C8orf74: variants seen among roughly 807,000 people sequenced by gnomAD.
C8orf74 encodes the protein chromosome 8 open reading frame 74, also known as uncharacterized protein C8orf74.
C8orf74 carries 29 observed loss-of-function variants against 22.2 expected under a neutral mutation model. The observed-to-expected ratio is 1.31, with a 90% CI of 0.97 to 1.78. The LOEUF is 1.78. Among genes scored for constraint, C8orf74 ranks in the 40% most tolerant of loss-of-function variants. The pLI is 0.00. For synonymous variants in C8orf74, 255 were observed against 163.1 expected (o/e 1.56, Z -4.30); for missense variants, 515 against 369.9 (o/e 1.39, Z -3.22).
At chr8:10,673,577 A>G (rs10216539) in intron 1 of C8orf74, 34,142 of 153,520 alleles carry the variant, frequency 0.22, 5,851 homozygotes, top group African/African-American at 0.47. Context: ...GTCAAATTTT[A>G]TTTTAGGCAG....
chr8:10,678,759 G>T (rs1010002996), intron 2 of C8orf74, among the ~76,000 whole-genome samples: 18 of 152,172 alleles, frequency 1.2e-4, no homozygotes, highest in Non-Finnish European at 2.5e-4. Context: ...AGAGTAGGCA[G>T]CGGAGTGCAG....
chr8:10,687,872 A>G (rs1799294091), intron 2 of C8orf74, among the ~76,000 whole-genome samples: 1 of 152,172 alleles, frequency 6.6e-6, no homozygotes, highest in East Asian at 1.9e-4. Context: ...AAGTGTGCCC[A>G]TTTAACAGCA....
chr8:10,683,384 A>G (rs7823838), intron 2 of C8orf74, among the ~76,000 whole-genome samples: 151,945 of 152,336 alleles, frequency 1, 75,790 homozygotes, highest in Middle Eastern at 1. Context: ...CCCTTCCCAC[A>G]TCTGATTTCT....
In C8orf74 at chr8:10,700,506, C is replaced by A; in HGVS notation, c.*35C>A. ...ACTGCCACACGAGACTGACTGGGGA[C>A]CAGCCACCCATAACCATGAGCCTTG... On this transcript the variant is annotated 3_prime_UTR_variant, in exon 4 of 4. Coordinates refer to ENST00000304519, the MANE Select transcript of C8orf74 (RefSeq NM_001040032.2). 2 of 1,365,458 alleles carry A rather than the reference C, an allele frequency of 1.5e-6. No individual in the cohort carries two copies. The highest frequency in any genetic ancestry group is 1.4e-5 in the South Asian group (1 of 70,982). 84.6% of individuals were successfully genotyped at this position (1,365,458 alleles called of 1,614,324 possible). A position where few individuals can be genotyped will look rare whatever the true frequency, so the allele number is the denominator to read the frequency against.
intron 2 of C8orf74, 30 bp from the exon 3 acceptor site, chr8:10,697,569 C>T (rs779898887): frequency 1.3e-6 from 2 of 1,597,454 alleles, no homozygotes; most frequent in Admixed American, 3.4e-5. Context: ...TGTCCCACTC[C>T]CACTCTGTTC....
chr8:10,672,756 A>G, intron 1 of C8orf74, 43 bp downstream of exon 1: 1 of 1,530,422 alleles, frequency 6.5e-7, no homozygotes, highest in Admixed American at 2.0e-5. Flanking sequence ...AAACTGGCTC[A>G]TCCTGGGCAC....
chr8:10,676,875 T>C (rs1042142534), intron 2 of C8orf74, among the ~76,000 whole-genome samples: 5 of 152,100 alleles, frequency 3.3e-5, no homozygotes, highest in Non-Finnish European at 7.4e-5. Flanking sequence ...AAGAGGAATG[T>C]CAGCCGCAAG....
At chr8:10,679,276 G>A (rs796849363) in intron 2 of C8orf74, among the ~76,000 whole-genome samples, 155 of 152,246 alleles carry the variant, frequency 1.0e-3, no homozygotes, top group African/African-American at 3.7e-3. Flanking sequence ...ACACCCGCTT[G>A]CAGGGGTCTC....
At chr8:10,690,957 A>T (rs759751231) in intron 2 of C8orf74, 3 of 456,068 alleles carry the variant, frequency 6.6e-6, no homozygotes, top group Admixed American at 2.3e-5. Flanking sequence ...ATTGAAGAGC[A>T]ACTTGCAGGC....
At chr8:10,677,051 G>A (rs1799047887) in intron 2 of C8orf74, among the ~76,000 whole-genome samples, 1 of 152,110 alleles carries the variant, frequency 6.6e-6, no homozygotes. Flanking sequence ...GCACAGCTAT[G>A]TCTCATGGAC....
intron 2 of C8orf74, among the ~76,000 whole-genome samples, chr8:10,675,348 G>T (rs1799011092): frequency 6.6e-6 from 1 of 152,200 alleles, no homozygotes; most frequent in African/African-American, 2.4e-5. Flanking sequence ...AAAGGACCTG[G>T]TGGCATGAGG....
intron 2 of C8orf74, among the ~76,000 whole-genome samples, chr8:10,695,697 G>C (rs1279777303): frequency 6.6e-6 from 1 of 152,174 alleles, no homozygotes; most frequent in Admixed American, 6.5e-5. Flanking sequence ...GCAAGACTGA[G>C]ACAGTCCCTG....
intron 2 of C8orf74, chr8:10,689,050 G>A (rs1215157828): frequency 6.6e-6 from 1 of 152,380 alleles, no homozygotes; most frequent in African/African-American, 2.4e-5. Flanking sequence ...TCCCTTCCCT[G>A]GGCAGACAGT....
At chr8:10,676,929 C>T (rs1799044994) in intron 2 of C8orf74, among the ~76,000 whole-genome samples, 1 of 152,228 alleles carries the variant, frequency 6.6e-6, no homozygotes, top group African/African-American at 2.4e-5. Flanking sequence ...AGAGCCTCCA[C>T]AGGCCAAGCC....
rs202198914 is a variant in C8orf74 at position 10,697,824 on chromosome 8, G to T, written c.467G>T (p.Gly156Val). Residue 156 changes from glycine (G) to valine (V), a missense_variant, in exon 3 of 4, where the codon GGC becomes GTC. Physicochemically the swap from Gly to Val is moderately radical, Grantham distance 109. Transcript: ENST00000304519. ...CCCCATCCCCTCCCGCTGGCCGAGG[G>T]CATGGACAGGGACTTGTGGATCCAC... is the stretch of plus-strand genomic sequence containing the variant. ...MPPHPLPLAE[G>V]MDRDLWIHEQ... The T allele has an allele frequency of 7.8e-5, 126 of 1,613,902 alleles. No individual in the cohort carries two copies. The African/African-American group carries it at 1.1e-3, about 13-fold the overall frequency.
chr8:10,696,835 G>A (rs1799527082), intron 2 of C8orf74, among the ~76,000 whole-genome samples: 1 of 151,800 alleles, frequency 6.6e-6, no homozygotes, highest in Non-Finnish European at 1.5e-5. Flanking sequence ...ATAAAGCACA[G>A]CGAAAGTAAC....
At chr8:10,680,758 C>T (rs886494033) in intron 2 of C8orf74, among the ~76,000 whole-genome samples, 5 of 152,158 alleles carry the variant, frequency 3.3e-5, no homozygotes, top group African/African-American at 1.2e-4. Flanking sequence ...GTTTGCTGTC[C>T]TCAGGAGGGG....
At position 10,700,405 on chromosome 8, in the gene C8orf74, AGGCCAGGAG is replaced by A; in HGVS notation, c.821_829del (p.Gly274_Glu276del). On this transcript the variant is annotated inframe_deletion, in exon 4 of 4. Transcript: ENST00000304519. ...TCCCGCCCCCCATCACCAGCCACGC[AGGCCAGGAG>A]GAAGCCCTGAAGCCCCAAAGAGCGA... The A allele has an allele frequency of 2.3e-6, 3 of 1,326,144 alleles. No homozygotes were observed. The highest frequency in any genetic ancestry group is 3.0e-6 in the Non-Finnish European group (3 of 988,044). The allele number at this position is 1,326,144 out of a possible 1,614,324, so 82.1% of individuals were successfully genotyped here.
intron 2 of C8orf74, chr8:10,686,969 C>G (rs1023917415): frequency 2.5e-6 from 1 of 398,408 alleles, no homozygotes; most frequent in East Asian, 7.3e-5. Context: ...CCGCCCATCC[C>G]ACCATAGGTG....
Sources: allele counts gnomAD v4.1 joint callset (sites outside exome capture counted in the v4.1 genomes callset), GRCh38; gene constraint gnomAD v4.1.1; transcripts MANE v1.5; gene names NCBI Gene and HGNC (gene_info 2026-07-23, HGNC 2026-07-21).